The following RAD9A variants were observed in gnomAD, a reference collection of about 807,000 sequenced individuals.
RAD9A encodes cell cycle checkpoint control protein RAD9A.
Under a neutral mutation model 41.2 loss-of-function variants are expected in RAD9A, and 25 were observed. The ratio of observed to expected loss-of-function variants is 0.61; its 90% CI spans 0.44 to 0.85. The LOEUF is 0.85. Among genes scored for constraint, RAD9A ranks in the 40% least tolerant of loss-of-function variants. The pLI is 0.00. For missense variants in RAD9A, 514 were observed against 518.3 expected (o/e 0.99, Z 0.08); for synonymous variants, 252 against 210.6 (o/e 1.20, Z -1.70).
chr11:67,392,248 TG>T lies in RAD9A; in HGVS notation c.105+23del. 6.2e-6 allele frequency: 2 copies of T among 321,844 alleles called. No individual in the cohort carries two copies. The highest frequency in any genetic ancestry group is 1.2e-5 in the Non-Finnish European group (2 of 162,530). 19.9% of individuals were successfully genotyped at this position (321,844 alleles called of 1,614,324 possible). A position where few individuals can be genotyped will look rare whatever the true frequency, so the allele number is the denominator to read the frequency against. On this transcript the variant is annotated intron_variant, in intron 2 of 10. Coordinates refer to ENST00000307980, the MANE Select transcript of RAD9A (RefSeq NM_004584.3). ...GAGGACGGGGTGAGGGGCTAGGGTGTGGGGGGCGGGTGGGACTCCAGCCGGG... is the reference window on the plus strand; with the variant it reads ...GAGGACGGGGTGAGGGGCTAGGGTGTGGGGGCGGGTGGGACTCCAGCCGGG...
Position 67,395,781 on chromosome 11 carries a change from G to A in RAD9A, c.515G>A (p.Arg172His), listed in dbSNP as rs368964097. 42 of 1,613,872 alleles carry A rather than the reference G, an allele frequency of 2.6e-5. No homozygotes were observed. Among genetic ancestry groups the A allele is most frequent in the African/African-American group, 2.4e-4 (18 of 75,058 alleles). ...ALAEVTLGIGRGRRVILRSYH... is the reference protein window; with the variant it reads ...ALAEVTLGIGHGRRVILRSYH... The stretch of plus-strand genomic sequence containing the variant: ...GCTGAAGTGACGCTGGGCATTGGCC[G>A]TGGCCGCAGGGTCATCCTGCGCAGC... The change falls in exon 6 of 11, where the codon CGT (arginine) becomes CAT (histidine). Residue 172 changes from arginine to histidine, a missense_variant. Coordinates refer to ENST00000307980, the MANE Select transcript of RAD9A (RefSeq NM_004584.3).
chr11:67,392,258 G>GGGGGGGGGT, intron 2 of RAD9A, 27 bp downstream of exon 2: 1 of 1,319,214 alleles, frequency 7.6e-7, no homozygotes, highest in Non-Finnish European at 1.1e-6. Context: ...TGGGGGGCGG[G>GGGGGGGGGT]TGGGACTCCA....
chr11:67,397,180 A>G lies in RAD9A; in HGVS notation c.874A>G (p.Thr292Ala). Residue 292 changes from threonine to alanine, a missense_variant and splice_region_variant, in exon 10 of 11, where the codon ACA becomes GCA. By Grantham distance (58) the Thr-to-Ala change is moderately conservative. Transcript: ENST00000307980. Reference sequence around the variant, plus strand: ...CTGATACTCCGATTCTGCCTACAGCACACCCCACCCGGACGACTTTGCCAA... The same window carrying G: ...CTGATACTCCGATTCTGCCTACAGCGCACCCCACCCGGACGACTTTGCCAA... ...QPVPQLQAHS[T>A]PHPDDFANDD... 2.5e-6 allele frequency: 4 copies of G among 1,611,086 alleles called. No homozygotes were observed. Among genetic ancestry groups the G allele is most frequent in the Non-Finnish European group, 3.4e-6 (4 of 1,177,516 alleles).
intron 5 of RAD9A, among the ~76,000 whole-genome samples, chr11:67,394,083 A>G (rs1862614387): frequency 6.6e-6 from 1 of 151,034 alleles, no homozygotes. Context: ...ACCCATTCCA[A>G]CTCCTCCTCT....
Position 67,392,773 on chromosome 11 carries a change from C to A in RAD9A, c.225C>A (p.Ile75=). The change falls in exon 3 of 11, where the codon ATC becomes ATA. Residue 75 remains isoleucine, a synonymous_variant. Transcript: ENST00000307980. ...GTCAGGACCTGCTGCGCTGTAAGAT[C>A]CTGATGAAGGTGAGGCCCTTCCCTC... is the stretch of plus-strand genomic sequence containing the variant. The part of the protein sequence containing the change: ...TPGQDLLRCK[I]LMKSFLSVFR... 6.2e-7 allele frequency: 1 copy of A among 1,613,996 alleles called. No individual in the cohort carries two copies. Among genetic ancestry groups the A allele is most frequent in the Non-Finnish European group, 8.5e-7 (1 of 1,179,956 alleles).
At chr11:67,394,645 C>CA (rs1309941306) in intron 5 of RAD9A, among the ~76,000 whole-genome samples, 1 of 147,830 alleles carries the variant, frequency 6.8e-6, no homozygotes, top group Non-Finnish European at 1.5e-5. Flanking sequence ...TTTTTTGAGA[C>CA]AGAGTTTCGC....
Position 67,395,658 on chromosome 11 carries a change from G to A in RAD9A, c.450-58G>A, listed in dbSNP as rs566616926. ...GTGTCACCCCCACCTCAGGTCCTCCGAGAGCAAAGCCCTGGGCAGGGCCAG... is the reference window on the plus strand; with the variant it reads ...GTGTCACCCCCACCTCAGGTCCTCCAAGAGCAAAGCCCTGGGCAGGGCCAG... On this transcript the variant is annotated intron_variant, in intron 5 of 10. Transcript: ENST00000307980. 1.3e-4 allele frequency: 176 copies of A among 1,393,126 alleles called. 1 individual carries two copies. The Middle Eastern group carries it at 1.4e-3, about 11-fold the overall frequency. The allele number at this position is 1,393,126 out of a possible 1,614,324, so 86.3% of individuals were successfully genotyped here. A position where few individuals can be genotyped will look rare whatever the true frequency, so the allele number is the denominator to read the frequency against.
chr11:67,397,637 C>G lies in RAD9A; in HGVS notation c.*78C>G. The stretch of plus-strand genomic sequence containing the variant: ...CCAGTGGCAGAACTGGGTCTCTCAG[C>G]CCTGGGGATCAGAAAGGTGGGCTTG... On this transcript the variant is annotated 3_prime_UTR_variant, in exon 11 of 11. Coordinates refer to ENST00000307980, the MANE Select transcript of RAD9A (RefSeq NM_004584.3). The G allele has an allele frequency of 7.7e-7, 1 of 1,303,728 alleles. No homozygotes were observed. The highest frequency in any genetic ancestry group is 1.1e-6 in the Non-Finnish European group (1 of 942,474). The allele number at this position is 1,303,728 out of a possible 1,614,324, so 80.8% of individuals were successfully genotyped here. A position where few individuals can be genotyped will look rare whatever the true frequency, so the allele number is the denominator to read the frequency against.
In RAD9A at chr11:67,397,262, CGCGGGTGCT is replaced by C; in HGVS notation, c.959_967del (p.Arg320_Leu322del). The C allele has an allele frequency of 6.2e-7, 1 of 1,611,804 alleles. No individual in the cohort carries two copies. Among genetic ancestry groups the C allele is most frequent in the South Asian group, 1.1e-5 (1 of 91,012 alleles). ...GAAACCACTATAGGCAATGAGGGCTCGCGGGTGCTGCCCTCCATTTCCCTTTCACCTGGC... is the reference window on the plus strand; with the variant it reads ...GAAACCACTATAGGCAATGAGGGCTCGCCCTCCATTTCCCTTTCACCTGGC... On this transcript the variant is annotated inframe_deletion, in exon 10 of 11. Coordinates refer to ENST00000307980, the MANE Select transcript of RAD9A (RefSeq NM_004584.3).
chr11:67,396,103 C>T lies in RAD9A; in HGVS notation c.670-8C>T. 1 of 1,613,792 alleles carries T rather than the reference C, an allele frequency of 6.2e-7. No homozygotes were observed. The highest frequency in any genetic ancestry group is 8.5e-7 in the Non-Finnish European group (1 of 1,179,684). ...CCGGGGCCTCACCTGCTACCTCTTT[C>T]CTCCCAGGGGCTCCTGAGCTTTGCA... On this transcript the variant is annotated splice_region_variant and splice_polypyrimidine_tract_variant and intron_variant, in intron 7 of 10. Transcript: ENST00000307980.
chr11:67,392,459 T>C (rs2134939713), intron 2 of RAD9A, among the ~76,000 whole-genome samples, 195 bp from the exon 3 acceptor site: 1 of 152,294 alleles, frequency 6.6e-6, no homozygotes, highest in Middle Eastern at 3.4e-3. Context: ...GGGGAAGGCC[T>C]GGGTGTGCGA....
Position 67,396,389 on chromosome 11 carries a change from C to G in RAD9A, c.861C>G (p.Leu287=), listed in dbSNP as rs761945572. 11 of 1,613,730 alleles carry G rather than the reference C, an allele frequency of 6.8e-6. No individual in the cohort carries two copies. Among genetic ancestry groups the G allele is most frequent in the Non-Finnish European group, 8.5e-7 (1 of 1,180,002 alleles). ...SPERHQPVPQ[L]QAHSTPHPDD... is the part of the protein sequence containing the mutation. ...AGCGTCACCAGCCAGTGCCTCAGCT[C>G]CAGGCTCACAGGTGAGGGCACCTCC... is the stretch of plus-strand genomic sequence containing the variant. Residue 287 remains leucine (L), a synonymous_variant, in exon 9 of 11, where the codon CTC becomes CTG. Coordinates refer to ENST00000307980, the MANE Select transcript of RAD9A (RefSeq NM_004584.3).
In RAD9A at chr11:67,393,501, C is replaced by T; in HGVS notation, c.240C>T (p.Phe80=). ...AGGTGTCTTATCCCATGCAGTCTTT[C>T]CTGTCTGTCTTCCGCTCACTGGCGA... ...LLRCKILMKS[F]LSVFRSLAML... Residue 80 remains phenylalanine, a synonymous_variant, in exon 4 of 11, where the codon TTC becomes TTT. Coordinates refer to ENST00000307980, the MANE Select transcript of RAD9A (RefSeq NM_004584.3). The T allele has an allele frequency of 1.2e-6, 2 of 1,614,142 alleles. No homozygotes were observed. The highest frequency in any genetic ancestry group is 1.7e-6 in the Non-Finnish European group (2 of 1,180,026).
rs759183096 is a variant in RAD9A, at chr11:67,396,147, C to CTTAG, written c.707_710dup (p.Ile238Ter). 1 of 1,614,002 alleles carries CTTAG rather than the reference C, an allele frequency of 6.2e-7. No individual in the cohort carries two copies. Among genetic ancestry groups the CTTAG allele is most frequent in the Non-Finnish European group, 8.5e-7 (1 of 1,179,884 alleles). On this transcript the variant is annotated frameshift_variant, in exon 8 of 11. Coordinates refer to ENST00000307980, the MANE Select transcript of RAD9A (RefSeq NM_004584.3). LOFTEE classifies it high-confidence loss of function. ...CTTTGCAGAGTCAGCAAACTTGAAT[C>CTTAG]TTAGCATTCATTTTGATGCTCCAGG... is the stretch of plus-strand genomic sequence containing the variant.
intron 9 of RAD9A, 61 bp downstream of exon 9, chr11:67,396,461 G>A: frequency 6.4e-7 from 1 of 1,570,394 alleles, no homozygotes; most frequent in Admixed American, 1.7e-5. Context: ...GCCTGAGACT[G>A]CAACTCCTAG....
intron 9 of RAD9A, 127 bp downstream of exon 9, chr11:67,396,527 C>T (rs1345947963): frequency 1.6e-6 from 2 of 1,251,120 alleles, no homozygotes; most frequent in African/African-American, 3.0e-5. Context: ...CTATCAGGCC[C>T]CAGCCCCTAA....
chr11:67,395,535 C>G, intron 5 of RAD9A, 181 bp from the exon 6 acceptor site: 1 of 596,318 alleles, frequency 1.7e-6, no homozygotes. Context: ...GTGCCGCCTG[C>G]CAGGTTTGAG....
chr11:67,395,575 A>G, intron 5 of RAD9A, 141 bp from the exon 6 acceptor site: 1 of 652,180 alleles, frequency 1.5e-6, no homozygotes, highest in Non-Finnish European at 2.6e-6. Flanking sequence ...CCTCCCTGCC[A>G]CCTTCTCTGG....
At chr11:67,393,072 G>A (rs1862578470) in intron 3 of RAD9A, 2 of 410,964 alleles carry the variant, frequency 4.9e-6, no homozygotes, top group African/African-American at 2.0e-5. Flanking sequence ...ACGAGGTCAG[G>A]AGTTCGAGAC....
Sources: gnomAD v4.1 joint callset for allele counts (sites outside exome capture counted in the v4.1 genomes callset) on GRCh38, gnomAD v4.1.1 for gene constraint, MANE v1.5 for transcripts, NCBI Gene and HGNC (gene_info 2026-07-23, HGNC 2026-07-21) for gene names.